The following KCNIP3 variants were observed in gnomAD, a reference collection of about 807,000 sequenced individuals.
KCNIP3 encodes the protein calsenilin.
A neutral mutation model predicts 35.0 loss-of-function variants in KCNIP3; 28 were observed. The observed-to-expected ratio is 0.80, with a 90% confidence interval of 0.59 to 1.10. The LOEUF is 1.10. Among genes scored for constraint, KCNIP3 ranks in the 50% least tolerant of loss-of-function variants. KCNIP3 has a pLI of 0.00. For synonymous variants in KCNIP3, 134 were observed against 133.8 expected (o/e 1.00, Z -0.01); for missense variants, 295 against 338.4 (o/e 0.87, Z 1.01).
At chr2:95,325,989 ACT>A (rs1257346657) in intron 2 of KCNIP3, among the ~76,000 whole-genome samples, 13 of 151,684 alleles carry the variant, frequency 8.6e-5, no homozygotes, top group South Asian at 6.2e-4. Flanking sequence ...ACTCCTACAC[ACT>A]CACACACACT....
At chr2:95,365,037 A>AC (rs1421871791) in intron 2 of KCNIP3, among the ~76,000 whole-genome samples, 1 of 151,946 alleles carries the variant, frequency 6.6e-6, no homozygotes, top group Non-Finnish European at 1.5e-5. Flanking sequence ...CTGTGATTGC[A>AC]CCACTGCACT....
intron 2 of KCNIP3, among the ~76,000 whole-genome samples, chr2:95,354,726 A>G (rs1451796394): frequency 6.6e-6 from 1 of 152,228 alleles, no homozygotes; most frequent in Non-Finnish European, 1.5e-5. Flanking sequence ...TTGGGTCTGC[A>G]GCTACCTCTT....
Position 95,385,500 on chromosome 2 carries a change from C to T in KCNIP3, c.*1451C>T, listed in dbSNP as rs769826429. The T allele has an allele frequency of 2.0e-5, 3 of 152,986 alleles. No individual in the cohort carries two copies. Among genetic ancestry groups the T allele is most frequent in the African/African-American group, 7.2e-5 (3 of 41,476 alleles). The allele number at this position is 152,986 out of a possible 1,614,324, so 9.5% of individuals were successfully genotyped here. ...ACCCAGAAGGAACCCGGTCCCAGGC[C>T]GCATGGCCCCTCCAGGAACATTCCC... On this transcript the variant is annotated 3_prime_UTR_variant, in exon 9 of 9. Coordinates refer to ENST00000295225, the MANE Select transcript of KCNIP3 (RefSeq NM_013434.5).
chr2:95,365,905 A>T (rs989687993), intron 2 of KCNIP3, among the ~76,000 whole-genome samples: 1 of 152,190 alleles, frequency 6.6e-6, no homozygotes, highest in Non-Finnish European at 1.5e-5. Flanking sequence ...ATGAATCTCG[A>T]TACATGCATA....
In KCNIP3 at chr2:95,319,740, G is replaced by A. The variant is rs576029901; in HGVS notation, c.181+9220G>A. Among the ~76,000 whole-genome samples the A allele has an allele frequency of 2.6e-5, 4 of 152,324 alleles. No individual in the cohort carries two copies. The South Asian group carries it at 8.3e-4, about 32-fold the overall frequency. ...GTCCGTATCGTCTGGAGCTCCGGGC[G>A]CCTGTGTCATGCCTTTTACCTGCCT... is the stretch of plus-strand genomic sequence containing the variant. On this transcript the variant is annotated intron_variant, in intron 2 of 8. Transcript: ENST00000295225.
chr2:95,325,760 CATACACACTCAT>C (rs1404303596), intron 2 of KCNIP3, among the ~76,000 whole-genome samples: 44 of 151,896 alleles, frequency 2.9e-4, no homozygotes, highest in African/African-American at 1.0e-3. Flanking sequence ...CTCATACACA[CATACACACTCAT>C]ATACACACAC....
At chr2:95,316,047 C>A (rs1005667949) in intron 2 of KCNIP3, among the ~76,000 whole-genome samples, 2 of 152,260 alleles carry the variant, frequency 1.3e-5, no homozygotes, top group Non-Finnish European at 2.9e-5. Flanking sequence ...GCTCCACCCC[C>A]ACAGCAGCCC....
chr2:95,381,687 G>C lies in KCNIP3; in HGVS notation c.539G>C (p.Gly180Ala), dbSNP rs775902675. ...AATCTCTACGACATTAACAAGGATGGCTACATCACCAAAGAGGTAGTAGGG... is the reference window on the plus strand; with the variant it reads ...AATCTCTACGACATTAACAAGGATGCCTACATCACCAAAGAGGTAGTAGGG... ...AFNLYDINKD[G>A]YITKEEMLAI... Residue 180 changes from glycine (G) to alanine (A), a missense_variant, in exon 6 of 9, where the codon GGC becomes GCC. By Grantham distance (60) the Gly-to-Ala change is moderately conservative. Transcript: ENST00000295225. 140 of 1,612,758 alleles carry C rather than the reference G, an allele frequency of 8.7e-5. No individual in the cohort carries two copies. The highest frequency in any genetic ancestry group is 1.2e-4 in the Non-Finnish European group (138 of 1,178,920).
At chr2:95,326,633 C>T (rs531761395) in intron 2 of KCNIP3, among the ~76,000 whole-genome samples, 2 of 152,358 alleles carry the variant, frequency 1.3e-5, no homozygotes. Context: ...GCTCTTGACT[C>T]TTTTCCTTGT....
intron 2 of KCNIP3, among the ~76,000 whole-genome samples, chr2:95,351,077 C>T (rs1390711142): frequency 1.3e-5 from 2 of 152,254 alleles, no homozygotes; most frequent in Non-Finnish European, 2.9e-5. Flanking sequence ...TCTTCAGGCC[C>T]CTGCCCCAAA....
At chr2:95,357,657 C>T (rs1679688986) in intron 2 of KCNIP3, among the ~76,000 whole-genome samples, 1 of 152,224 alleles carries the variant, frequency 6.6e-6, no homozygotes, top group South Asian at 2.1e-4. Context: ...CACCAAGGCT[C>T]TCAGTGGACC....
At chr2:95,372,811 G>A (rs1382416878) in intron 2 of KCNIP3, among the ~76,000 whole-genome samples, 1 of 152,214 alleles carries the variant, frequency 6.6e-6, no homozygotes. Context: ...AACTTAAGGG[G>A]AAGGATGGTA....
intron 2 of KCNIP3, among the ~76,000 whole-genome samples, chr2:95,347,451 A>T (rs1363800379): frequency 6.6e-6 from 1 of 152,186 alleles, no homozygotes; most frequent in African/African-American, 2.4e-5. Flanking sequence ...GAGGTGGCGC[A>T]GGGTGCAGAT....
Position 95,377,232 on chromosome 2 carries a change from G to A in KCNIP3, c.447+2024G>A, listed in dbSNP as rs1185731034. ...CGTGCAGAGCTTCCAAAACGATTCC[G>A]TAGACTGTTGGGGCCTCTTCAGTGC... is the stretch of plus-strand genomic sequence containing the variant. On this transcript the variant is annotated intron_variant, in intron 5 of 8. Coordinates refer to ENST00000295225, the MANE Select transcript of KCNIP3 (RefSeq NM_013434.5). The surrounding 1 kb of genome is among the most constrained non-coding windows in gnomAD (Gnocchi z 4.7). Among the ~76,000 whole-genome samples, 6 of 152,368 alleles carry A rather than the reference G, an allele frequency of 3.9e-5. No homozygotes were observed. Among genetic ancestry groups the A allele is most frequent in the East Asian group, 1.9e-4 (1 of 5,188 alleles).
At chr2:95,310,178 C>A (rs1678273256) in intron 1 of KCNIP3, 177 bp from the exon 2 acceptor site, 1 of 750,914 alleles carries the variant, frequency 1.3e-6, no homozygotes, top group Non-Finnish European at 2.4e-6. Context: ...TGAAAGGAAC[C>A]TCCCCAGGTC....
chr2:95,337,359 A>T (rs1171092731), intron 2 of KCNIP3, among the ~76,000 whole-genome samples: 1 of 150,422 alleles, frequency 6.6e-6, no homozygotes, highest in Non-Finnish European at 1.5e-5. Flanking sequence ...TGGGCAGATT[A>T]GTCTGATGCC....
At chr2:95,304,703 C>A (rs1437514709) in intron 1 of KCNIP3, among the ~76,000 whole-genome samples, 1 of 152,136 alleles carries the variant, frequency 6.6e-6, no homozygotes, top group Non-Finnish European at 1.5e-5. Flanking sequence ...TTCTAAGGAA[C>A]CTCAAAAAGT....
In KCNIP3 at chr2:95,385,914, G is replaced by A. The variant is rs1680491966; in HGVS notation, c.*1865G>A. On this transcript the variant is annotated 3_prime_UTR_variant, in exon 9 of 9. Transcript: ENST00000295225. ...GCCTTGGGGCCAGACTGGCTGCACA[G>A]CCCAACCAGGAGGGGTCTGCCTCCC... 1 of 152,562 alleles carries A rather than the reference G, an allele frequency of 6.6e-6. No individual in the cohort carries two copies. The highest frequency in any genetic ancestry group is 1.5e-5 in the Non-Finnish European group (1 of 68,136). The allele number at this position is 152,562 out of a possible 1,614,324, so 9.5% of individuals were successfully genotyped here.
chr2:95,374,717 A>G, intron 3 of KCNIP3, 131 bp from the exon 4 acceptor site: 2 of 1,070,190 alleles, frequency 1.9e-6, no homozygotes, highest in Non-Finnish European at 2.7e-6. Flanking sequence ...AACCCAGGCC[A>G]GGGGGCCCCA....
Sources: gnomAD v4.1 joint callset for allele counts (sites outside exome capture counted in the v4.1 genomes callset) on GRCh38, gnomAD v4.1.1 for gene constraint, Gnocchi (gnomAD v3.1) non-coding constraint, MANE v1.5 for transcripts, NCBI Gene and HGNC (gene_info 2026-07-23, HGNC 2026-07-21) for gene names.